Variants in CLSTN2 observed in about 807,000 individuals in gnomAD.
CLSTN2 encodes the protein calsyntenin 2, also known as calsyntenin-2.
Under a neutral mutation model 101.2 loss-of-function variants are expected in CLSTN2, and 48 were observed. That is an observed-to-expected ratio of 0.47 (90% CI 0.38 to 0.60). The LOEUF is 0.60. Ranked by LOEUF, CLSTN2 falls within the 20% of genes least tolerant of loss-of-function variation. The pLI is 0.00. For missense variants in CLSTN2, 1,160 were observed against 1,238.2 expected, an observed-to-expected ratio of 0.94 and a Z score of 0.95; for synonymous variants, 481 against 463.6, an observed-to-expected ratio of 1.04 and a Z score of -0.48.
At chr3:140,180,731 A>G (rs909698442) in intron 2 of CLSTN2, among the ~76,000 whole-genome samples, 5 of 152,200 alleles carry the variant, frequency 3.3e-5, no homozygotes, top group Non-Finnish European at 7.3e-5. Flanking sequence ...GAGAATGATC[A>G]GGCATAATTG....
intron 2 of CLSTN2, among the ~76,000 whole-genome samples, chr3:140,228,465 C>T (rs1293081365): frequency 6.6e-6 from 1 of 152,180 alleles, no homozygotes; most frequent in Non-Finnish European, 1.5e-5. Flanking sequence ...TCCAAACTTT[C>T]CCACATTTTC....
rs373033353 is a variant in CLSTN2, at chr3:140,052,727, A to G, written c.109+117244A>G. ...TTTCATTCTTCTCCTCAGAAAACCA[A>G]CTCTGCCCAGCTGATACGTGAAAAA... On this transcript the variant is annotated intron_variant, in intron 1 of 16. Transcript: ENST00000458420. Among the ~76,000 whole-genome samples the G allele has an allele frequency of 2.6e-5, 4 of 151,900 alleles. No homozygotes were observed. In the South Asian group the frequency reaches 8.3e-4, roughly 32 times the overall value.
At chr3:140,137,452 C>A (rs1560106200) in intron 1 of CLSTN2, among the ~76,000 whole-genome samples, 1 of 152,106 alleles carries the variant, frequency 6.6e-6, no homozygotes, top group Non-Finnish European at 1.5e-5. Context: ...TCCTCTGCAA[C>A]CCATAGTTCT....
At chr3:140,413,848 T>C (rs937254042) in intron 4 of CLSTN2, among the ~76,000 whole-genome samples, 13 of 152,032 alleles carry the variant, frequency 8.6e-5, no homozygotes, top group African/African-American at 3.1e-4. Context: ...ACAAAATTCA[T>C]CCTTTCATGA....
rs146974908 is a variant in CLSTN2, at chr3:140,448,592, G to C, written c.861G>C (p.Thr287=). The stretch of plus-strand genomic sequence containing the variant: ...TGTTCCCCAGCATCCACCTGGAGAC[G>C]TGCGATGGAGCCGTGTCTTCCCTCC... ...MPLFPSIHLE[T]CDGAVSSLQI... Residue 287 remains threonine, a synonymous_variant, in exon 6 of 17, where the codon ACG becomes ACC. Coordinates refer to ENST00000458420, the MANE Select transcript of CLSTN2 (RefSeq NM_022131.3). 5.6e-6 allele frequency: 9 copies of C among 1,613,948 alleles called. No homozygotes were observed. The highest frequency in any genetic ancestry group is 8.5e-7 in the Non-Finnish European group (1 of 1,179,990).
intron 5 of CLSTN2, 24 bp downstream of exon 5, chr3:140,421,298 T>G: frequency 6.2e-7 from 1 of 1,613,620 alleles, no homozygotes; most frequent in Non-Finnish European, 8.5e-7. Flanking sequence ...ATCAGTCTTG[T>G]GTGAAGGCAG....
At chr3:140,412,966 A>T (rs1413968886) in intron 4 of CLSTN2, among the ~76,000 whole-genome samples, 1 of 152,204 alleles carries the variant, frequency 6.6e-6, no homozygotes. Context: ...CAAATAAAAA[A>T]CCTAATGTTA....
chr3:140,477,104 C>T (rs1352996104), intron 8 of CLSTN2, among the ~76,000 whole-genome samples: 1 of 152,180 alleles, frequency 6.6e-6, no homozygotes, highest in Non-Finnish European at 1.5e-5. Context: ...AGCAATAACC[C>T]TGGAGGCCCA....
chr3:139,977,318 G>A (rs754032392), intron 1 of CLSTN2, among the ~76,000 whole-genome samples: 11 of 152,114 alleles, frequency 7.2e-5, no homozygotes, highest in Non-Finnish European at 1.2e-4. Flanking sequence ...GAGGGAAGGA[G>A]AGGCCCCAGA....
chr3:140,246,400 T>C (rs957120833), intron 2 of CLSTN2, among the ~76,000 whole-genome samples: 3 of 152,146 alleles, frequency 2.0e-5, no homozygotes, highest in African/African-American at 7.2e-5. Context: ...AGAAACAGTC[T>C]GGAGGCCTTT....
In CLSTN2 at chr3:140,531,006, T is replaced by C. The variant is rs572574681; in HGVS notation, c.1345-1318T>C. On this transcript the variant is annotated intron_variant, in intron 8 of 16. Coordinates refer to ENST00000458420, the MANE Select transcript of CLSTN2 (RefSeq NM_022131.3). ...TCAGATATGTAGTTCTCTACTAGTC[T>C]ATCAGCCCTGCACTCTGTGTTCAGG... Among the ~76,000 whole-genome samples, 8 of 152,342 alleles carry C rather than the reference T, an allele frequency of 5.3e-5. No homozygotes were observed. The South Asian group carries it at 1.7e-3, about 32-fold the overall frequency.
At chr3:140,283,330 G>A (rs532756909) in intron 2 of CLSTN2, among the ~76,000 whole-genome samples, 48 of 152,012 alleles carry the variant, frequency 3.2e-4, no homozygotes, top group Non-Finnish European at 5.3e-4. Flanking sequence ...TCTTTCTGAG[G>A]GCCAAAGTCG....
chr3:140,370,751 G>A (rs1175571370), intron 2 of CLSTN2, among the ~76,000 whole-genome samples: 1 of 152,192 alleles, frequency 6.6e-6, no homozygotes, highest in Non-Finnish European at 1.5e-5. Flanking sequence ...TCAAGGATGA[G>A]TTGCCTTCTG....
intron 5 of CLSTN2, among the ~76,000 whole-genome samples, chr3:140,431,004 G>C (rs2088623076): frequency 6.6e-6 from 1 of 152,170 alleles, no homozygotes; most frequent in Non-Finnish European, 1.5e-5. Context: ...TTTATAAAAG[G>C]GTATATCAGA....
At chr3:140,380,057 T>A (rs2087962165) in intron 2 of CLSTN2, among the ~76,000 whole-genome samples, 1 of 152,046 alleles carries the variant, frequency 6.6e-6, no homozygotes, top group African/African-American at 2.4e-5. Context: ...AGACATTGAC[T>A]TTCTGGTGGA....
intron 6 of CLSTN2, among the ~76,000 whole-genome samples, chr3:140,453,706 A>G (rs757865487): frequency 1.2e-4 from 18 of 152,248 alleles, no homozygotes; most frequent in Non-Finnish European, 2.5e-4. Context: ...CATGTATCTA[A>G]ATATTGCATT....
intron 9 of CLSTN2, among the ~76,000 whole-genome samples, chr3:140,535,056 T>C (rs940789524): frequency 5.9e-5 from 9 of 152,234 alleles, no homozygotes; most frequent in African/African-American, 2.2e-4. Context: ...TGGAGACCTA[T>C]ATACTAATAG....
intron 2 of CLSTN2, among the ~76,000 whole-genome samples, chr3:140,403,021 TA>T (rs1207299222): frequency 6.6e-6 from 1 of 152,208 alleles, no homozygotes; most frequent in East Asian, 1.9e-4. Flanking sequence ...GTTCAATAAA[TA>T]AACATGCACT....
intron 1 of CLSTN2, among the ~76,000 whole-genome samples, chr3:140,086,401 C>G (rs993104571): frequency 6.6e-6 from 1 of 152,080 alleles, no homozygotes; most frequent in Non-Finnish European, 1.5e-5. Flanking sequence ...TGACTTAAAC[C>G]CTTTGTGACT....
Sources: allele counts gnomAD v4.1 joint callset (sites outside exome capture counted in the v4.1 genomes callset), GRCh38; gene constraint gnomAD v4.1.1; transcripts MANE v1.5; gene names NCBI Gene and HGNC (gene_info 2026-07-23, HGNC 2026-07-21).